Variants in DLGAP2 observed in about 807,000 individuals in gnomAD.
DLGAP2 encodes the protein disks large-associated protein 2.
In DLGAP2, 26 loss-of-function variants were observed where a neutral mutation model predicts 100.3. The ratio of observed to expected loss-of-function variants is 0.26; its 90% CI spans 0.19 to 0.36. The LOEUF is 0.36. Ranked by LOEUF, DLGAP2 falls within the 10% of genes least tolerant of loss-of-function variation. The probability of loss-of-function intolerance (pLI) is 1.00; values close to 1 mark genes in which losing one functional copy is unlikely to be tolerated. For synonymous variants in DLGAP2, 886 were observed against 630.1 expected, an observed-to-expected ratio of 1.41 and a Z score of -6.08; for missense variants, 1,858 against 1,453.2, an observed-to-expected ratio of 1.28 and a Z score of -4.53.
intron 2 of DLGAP2, chr8:1,002,283 C>T (rs952069531): frequency 3.3e-5 from 5 of 152,142 alleles, no homozygotes; most frequent in Non-Finnish European, 5.9e-5. Context: ...TCCAGGACTT[C>T]CTCCGGGGTC....
At chr8:1,452,705 C>A (rs1045947436) in intron 3 of DLGAP2, among the ~76,000 whole-genome samples, 2 of 151,900 alleles carry the variant, frequency 1.3e-5, no homozygotes, top group Non-Finnish European at 2.9e-5. Flanking sequence ...CGCTGGGCAG[C>A]TGAGCTGTCG....
chr8:1,674,589 C>A (rs1194372947), intron 10 of DLGAP2, among the ~76,000 whole-genome samples: 2 of 152,180 alleles, frequency 1.3e-5, no homozygotes, highest in Non-Finnish European at 2.9e-5. Flanking sequence ...GTTCCTTTTA[C>A]AAAATATCTT....
At chr8:1,683,905 T>C (rs1405534807) in intron 12 of DLGAP2, among the ~76,000 whole-genome samples, 3 of 121,340 alleles carry the variant, frequency 2.5e-5, no homozygotes, top group East Asian at 5.0e-4. Context: ...TGTATACACA[T>C]ATATGTGTAT....
At chr8:1,171,604 T>C (rs1417752351) in intron 2 of DLGAP2, among the ~76,000 whole-genome samples, 3 of 152,106 alleles carry the variant, frequency 2.0e-5, no homozygotes, top group African/African-American at 4.8e-5. Context: ...TACTTAGCTC[T>C]TCTTGTTGAA....
chr8:1,586,453 G>A (rs934059795), intron 6 of DLGAP2, among the ~76,000 whole-genome samples: 1 of 151,968 alleles, frequency 6.6e-6, no homozygotes, highest in African/African-American at 2.4e-5. Context: ...ATCGATCTCC[G>A]ACTTGCTCTG....
intron 4 of DLGAP2, among the ~76,000 whole-genome samples, chr8:1,524,013 A>T (rs1173367870): frequency 6.6e-6 from 1 of 152,216 alleles, no homozygotes; most frequent in Non-Finnish European, 1.5e-5. Context: ...GCATCAGATC[A>T]GCTGTGCTGT....
intron 1 of DLGAP2, among the ~76,000 whole-genome samples, chr8:870,215 G>A (rs1028318673): frequency 5.9e-5 from 9 of 152,172 alleles, no homozygotes; most frequent in South Asian, 4.2e-4. Context: ...TTTTCTCGCC[G>A]ATATTTCTCC....
intron 3 of DLGAP2, chr8:1,378,026 C>G (rs1480200298): frequency 1.3e-5 from 2 of 153,106 alleles, no homozygotes; most frequent in African/African-American, 4.8e-5. Context: ...GCCACTGAAT[C>G]AGACAGCTGC....
At chr8:1,170,890 C>A (rs1797114633) in intron 2 of DLGAP2, among the ~76,000 whole-genome samples, 1 of 146,442 alleles carries the variant, frequency 6.8e-6, no homozygotes, top group Admixed American at 6.9e-5. Context: ...TCCTTCAGTT[C>A]TGCTCTGATT....
At chr8:923,278 C>G (rs1584892444) in intron 2 of DLGAP2, among the ~76,000 whole-genome samples, 1 of 152,120 alleles carries the variant, frequency 6.6e-6, no homozygotes, top group Admixed American at 6.6e-5. Context: ...AATGAGACGG[C>G]TGGTCTGTGT....
At chr8:1,340,868 G>A (rs1448980126) in intron 3 of DLGAP2, among the ~76,000 whole-genome samples, 3 of 152,194 alleles carry the variant, frequency 2.0e-5, no homozygotes, top group Admixed American at 1.3e-4. Flanking sequence ...TAAAGAAAAT[G>A]TGGTATATGT....
intron 2 of DLGAP2, among the ~76,000 whole-genome samples, chr8:946,383 A>T (rs4421372): frequency 6.6e-6 from 1 of 150,744 alleles, no homozygotes; most frequent in Non-Finnish European, 1.5e-5. Flanking sequence ...TCTGCCTCAG[A>T]CTCCCGAGTG....
At chr8:949,181 C>T (rs983790977) in intron 2 of DLGAP2, among the ~76,000 whole-genome samples, 1 of 152,196 alleles carries the variant, frequency 6.6e-6, no homozygotes, top group South Asian at 2.1e-4. Flanking sequence ...CGTGTGGTTC[C>T]TGGAGTAGAT....
At chr8:1,235,555 A>G (rs145690258) in intron 2 of DLGAP2, among the ~76,000 whole-genome samples, 4,036 of 106,380 alleles carry the variant, frequency 0.038, 380 homozygotes, top group African/African-American at 0.14. Context: ...ACATGGCGCC[A>G]TGTCTAGTTC....
chr8:1,564,190 C>G (rs746521303), intron 5 of DLGAP2, among the ~76,000 whole-genome samples: 2 of 152,158 alleles, frequency 1.3e-5, no homozygotes, highest in South Asian at 2.1e-4. Context: ...TACCCAGAGC[C>G]TCTGGGGAGC....
At chr8:896,514 TC>T (rs1016990702) in intron 1 of DLGAP2, among the ~76,000 whole-genome samples, 5 of 152,008 alleles carry the variant, frequency 3.3e-5, no homozygotes, top group African/African-American at 1.2e-4. Context: ...ACTGAACATG[TC>T]CCCCCAAATT....
At chr8:995,605 CCT>C (rs1245925800) in intron 2 of DLGAP2, among the ~76,000 whole-genome samples, 1 of 152,162 alleles carries the variant, frequency 6.6e-6, no homozygotes, top group Non-Finnish European at 1.5e-5. Context: ...AAGAATCTCC[CCT>C]GTCCCCCTTA....
chr8:944,800 C>T (rs1799277554), intron 2 of DLGAP2, among the ~76,000 whole-genome samples: 1 of 147,992 alleles, frequency 6.8e-6, no homozygotes, highest in South Asian at 2.1e-4. Flanking sequence ...GGTAACCAGT[C>T]GATATGGGTG....
intron 2 of DLGAP2, among the ~76,000 whole-genome samples, chr8:1,062,230 C>T (rs575996988): frequency 1.3e-5 from 2 of 152,264 alleles, no homozygotes; most frequent in South Asian, 2.1e-4. Flanking sequence ...TCCATGTTTT[C>T]TATTATGCTT....
Sources: gnomAD v4.1 joint callset for allele counts (sites outside exome capture counted in the v4.1 genomes callset) on GRCh38, gnomAD v4.1.1 for gene constraint, MANE v1.5 for transcripts, NCBI Gene and HGNC (gene_info 2026-07-23, HGNC 2026-07-21) for gene names.